The following ARHGEF10L variants were observed in gnomAD, a reference collection of about 807,000 sequenced individuals.
The protein encoded by ARHGEF10L is rho guanine nucleotide exchange factor 10-like protein.
ARHGEF10L carries 69 observed loss-of-function variants against 141.2 expected under a neutral mutation model. That is an observed-to-expected ratio of 0.49 (90% CI 0.40 to 0.60). ARHGEF10L has a LOEUF of 0.60. Among genes scored for constraint, ARHGEF10L ranks in the 20% least tolerant of loss-of-function variants. The pLI is 0.00. For missense variants in ARHGEF10L, 1,482 were observed against 1,734.3 expected (o/e 0.85, Z 2.58); for synonymous variants, 711 against 718.5 (o/e 0.99, Z 0.17).
chr1:17,535,206 T>C, upstream of ARHGEF10L, among the ~76,000 whole-genome samples: 1 of 152,088 alleles, frequency 6.6e-6, no homozygotes, highest in African/African-American at 2.4e-5. Flanking sequence ...GGGCGCGCAG[T>C]CTAGATCCCT....
At chr1:17,680,619 C>T (rs552591850) in intron 26 of ARHGEF10L, among the ~76,000 whole-genome samples, 3 of 152,234 alleles carry the variant, frequency 2.0e-5, no homozygotes, top group East Asian at 1.9e-4. Context: ...GAATCCTCAC[C>T]GTGCCCCAGA....
Position 17,696,961 on chromosome 1 carries a change from C to A in ARHGEF10L, c.3421C>A (p.Pro1141Thr), listed in dbSNP as rs1416429615. 4 of 1,612,464 alleles carry A rather than the reference C, an allele frequency of 2.5e-6. No homozygotes were observed. The highest frequency in any genetic ancestry group is 8.5e-7 in the Non-Finnish European group (1 of 1,179,762). ...GAGTGACCAGGAGGAGGCTGAGGGG[C>A]CCCGGGCTGAGGAGGACAAGCCAGA... Reference protein sequence around the residue: ...LRSDQEEAEGPRAEEDKPDGQ... With the variant: ...LRSDQEEAEGTRAEEDKPDGQ... Residue 1141 changes from proline to threonine, a missense_variant, in exon 29 of 29, where the codon CCC (proline) becomes ACC (threonine). This residue lies in a region of ARHGEF10L where 858 missense variants were observed against 966.3 expected (regional missense o/e 0.89). Transcript: ENST00000361221.
intron 1 of ARHGEF10L, among the ~76,000 whole-genome samples, chr1:17,579,686 C>T (rs757375267): frequency 1.3e-5 from 2 of 152,140 alleles, no homozygotes; most frequent in African/African-American, 2.4e-5. Context: ...GGAACACAGC[C>T]GGTTTGTGGC....
In ARHGEF10L at chr1:17,649,939, G is replaced by A. The variant is rs536864341; in HGVS notation, c.2394+1264G>A. 3.3e-5 allele frequency among the ~76,000 whole-genome samples: 5 copies of A among 152,332 alleles called. No individual in the cohort carries two copies. In the South Asian group the frequency reaches 1.0e-3, roughly 32 times the overall value. On this transcript the variant is annotated intron_variant, in intron 22 of 28. Coordinates refer to ENST00000361221, the MANE Select transcript of ARHGEF10L (RefSeq NM_018125.4). ...AGAGGGCGGGCCCCGAGGTTCGCTG[G>A]TGGGTGAGCTGGACCACGCCAGCCT...
chr1:17,580,246 G>T (rs996284375), intron 1 of ARHGEF10L, among the ~76,000 whole-genome samples: 2 of 152,220 alleles, frequency 1.3e-5, no homozygotes. Flanking sequence ...TCTGGGGCCA[G>T]ATTTCACCTG....
Position 17,673,661 on chromosome 1 carries a change from A to G in ARHGEF10L, c.3009+9066A>G, listed in dbSNP as rs185384536. Among the ~76,000 whole-genome samples, 91 of 152,250 alleles carry G rather than the reference A, an allele frequency of 6.0e-4. 2 individuals are homozygous for G. In the East Asian group the frequency reaches 0.015, roughly 26 times the overall value. On this transcript the variant is annotated intron_variant, in intron 26 of 28. Transcript: ENST00000361221. The surrounding 1 kb of genome is among the most constrained non-coding windows in gnomAD (Gnocchi z 4.1). ...GTCCACAGGAGGCAACCTCTGCAGGAGGCATTCCCGGCTGCCCCTGCATGC... is the reference window on the plus strand; with the variant it reads ...GTCCACAGGAGGCAACCTCTGCAGGGGGCATTCCCGGCTGCCCCTGCATGC...
At chr1:17,598,882 C>T (rs1236043664) in intron 4 of ARHGEF10L, among the ~76,000 whole-genome samples, 1 of 152,054 alleles carries the variant, frequency 6.6e-6, no homozygotes, top group East Asian at 1.9e-4. Flanking sequence ...TCTCGACTTC[C>T]AGGTGGTCTG....
chr1:17,633,105 G>A (rs889556430), intron 16 of ARHGEF10L, among the ~76,000 whole-genome samples: 1 of 152,212 alleles, frequency 6.6e-6, no homozygotes, highest in Non-Finnish European at 1.5e-5. Context: ...CACCATGGGT[G>A]AGACATAGGA....
At chr1:17,691,389 C>T (rs1381781441) in intron 27 of ARHGEF10L, among the ~76,000 whole-genome samples, 1 of 152,108 alleles carries the variant, frequency 6.6e-6, no homozygotes. Context: ...TCTTGCTTGC[C>T]TTCCTCCCAT....
intron 9 of ARHGEF10L, chr1:17,618,204 C>A: frequency 1.1e-6 from 1 of 943,754 alleles, no homozygotes; most frequent in Non-Finnish European, 1.5e-6. Flanking sequence ...TGGCTGGGAA[C>A]TCTTCCTGGG....
chr1:17,634,513 A>G, intron 16 of ARHGEF10L, 35 bp from the exon 17 acceptor site: 1 of 1,614,090 alleles, frequency 6.2e-7, no homozygotes, highest in Non-Finnish European at 8.5e-7. Flanking sequence ...CCATTGTAAT[A>G]ACAATCTCCC....
chr1:17,560,606 C>T (rs3850722), intron 1 of ARHGEF10L, among the ~76,000 whole-genome samples: 59,886 of 152,082 alleles, frequency 0.39, 14,184 homozygotes, highest in South Asian at 0.5. Context: ...ACTCTTGTTG[C>T]CCAGGCTGGA....
chr1:17,653,538 C>A (rs2062054726), intron 22 of ARHGEF10L, among the ~76,000 whole-genome samples: 2 of 152,188 alleles, frequency 1.3e-5, no homozygotes, highest in Admixed American at 1.3e-4. Context: ...AGGGCATGCA[C>A]CCTCAACTAG....
the ARHGEF10L span, among the ~76,000 whole-genome samples, chr1:17,518,832 A>C: frequency 9.9e-6 from 1 of 101,228 alleles, no homozygotes; most frequent in Non-Finnish European, 2.2e-5. Context: ...AAAAGAAAGA[A>C]AGAAAAAAGA....
chr1:17,560,872 A>G (rs2077518461), intron 1 of ARHGEF10L, among the ~76,000 whole-genome samples: 1 of 152,216 alleles, frequency 6.6e-6, no homozygotes, highest in Admixed American at 6.5e-5. Context: ...GCCCTCAAGC[A>G]TCTCTTGAAG....
intron 2 of ARHGEF10L, among the ~76,000 whole-genome samples, chr1:17,585,405 C>T (rs1242286986): frequency 1.3e-5 from 2 of 152,192 alleles, no homozygotes; most frequent in African/African-American, 4.8e-5. Context: ...GCCTGGGGCA[C>T]AGCTCGGGAT....
intron 1 of ARHGEF10L, among the ~76,000 whole-genome samples, chr1:17,561,979 A>G (rs2100839736): frequency 6.6e-6 from 1 of 152,312 alleles, no homozygotes; most frequent in Non-Finnish European, 1.5e-5. Context: ...CTCCCTAGCT[A>G]TGTGACCTTG....
In ARHGEF10L at chr1:17,644,784, C is replaced by A. The variant is rs544605628; in HGVS notation, c.2273-3770C>A. ...TGGGCTCAGCTGCCCTCAGTAATAG[C>A]GACAGTCAGACCATGAGCAGCGAGG... On this transcript the variant is annotated intron_variant, in intron 21 of 28. Transcript: ENST00000361221. The surrounding 1 kb of genome is among the most constrained non-coding windows in gnomAD (Gnocchi z 4.5). 6.6e-6 allele frequency among the ~76,000 whole-genome samples: 1 copy of A among 152,132 alleles called. No individual in the cohort carries two copies. Among genetic ancestry groups the A allele is most frequent in the Admixed American group, 6.5e-5 (1 of 15,276 alleles).
intron 26 of ARHGEF10L, among the ~76,000 whole-genome samples, chr1:17,683,289 G>A (rs1450304664): frequency 8.8e-6 from 1 of 113,288 alleles, no homozygotes; most frequent in African/African-American, 3.4e-5. Context: ...TCACCGGGGT[G>A]CTCACTGCCC....
Sources: allele counts gnomAD v4.1 joint callset (sites outside exome capture counted in the v4.1 genomes callset), GRCh38; gene constraint gnomAD v4.1.1; regional missense constraint gnomAD v4.1.1; non-coding constraint Gnocchi (gnomAD v3.1); transcripts MANE v1.5; gene names NCBI Gene and HGNC (gene_info 2026-07-23, HGNC 2026-07-21).